The following KCNAB1 variants were observed in gnomAD, a reference collection of about 807,000 sequenced individuals.
KCNAB1 encodes potassium voltage-gated channel subfamily A regulatory beta subunit 1, also known as voltage-gated potassium channel subunit beta-1.
Under a neutral mutation model 64.6 loss-of-function variants are expected in KCNAB1, and 35 were observed. The observed-to-expected ratio is 0.54, with a 90% CI of 0.41 to 0.72. The LOEUF (loss-of-function observed/expected upper bound fraction) is 0.72. Among genes scored for constraint, KCNAB1 ranks in the 30% least tolerant of loss-of-function variants. The probability of loss-of-function intolerance (pLI) is 0.00; values close to 1 mark genes in which losing one functional copy is unlikely to be tolerated. For synonymous variants in KCNAB1, 177 were observed against 183.8 expected, an observed-to-expected ratio of 0.96 and a Z score of 0.30; for missense variants, 401 against 512.9, an observed-to-expected ratio of 0.78 and a Z score of 2.11.
intron 1 of KCNAB1, among the ~76,000 whole-genome samples, chr3:156,390,787 G>A (rs1037661670): frequency 2.0e-5 from 3 of 151,986 alleles, no homozygotes; most frequent in African/African-American, 4.8e-5. Flanking sequence ...GAGTTTCACC[G>A]TGTTAGCCAG....
chr3:156,267,759 A>T (rs1352433230), intron 1 of KCNAB1, among the ~76,000 whole-genome samples: 1 of 152,106 alleles, frequency 6.6e-6, no homozygotes, highest in Non-Finnish European at 1.5e-5. Flanking sequence ...TTTTTTTAAA[A>T]AAATTTTATG....
At position 156,316,603 on chromosome 3, in the gene KCNAB1, A is replaced by G. The variant is rs188514285; in HGVS notation, c.276-105013A>G. ...GTGTAGGCAGAGTTAAGGGCAGTCA[A>G]CAAAGGACAGTAAAGCATCCTGTGG... On this transcript the variant is annotated intron_variant, in intron 1 of 13. Transcript: ENST00000490337. Among the ~76,000 whole-genome samples the G allele has an allele frequency of 2.9e-3, 445 of 152,348 alleles. 2 individuals carry two copies. Among genetic ancestry groups the G allele is most frequent in the Non-Finnish European group, 2.7e-3 (184 of 68,034 alleles).
At chr3:156,129,252 G>C (rs1340398429) in intron 1 of KCNAB1, among the ~76,000 whole-genome samples, 2 of 151,860 alleles carry the variant, frequency 1.3e-5, no homozygotes, top group Non-Finnish European at 2.9e-5. Flanking sequence ...ATCTTTTTGA[G>C]CCTTCGTTAT....
At chr3:156,118,789 A>C (rs1449633350), upstream of KCNAB1, among the ~76,000 whole-genome samples, 1 of 152,190 alleles carries the variant, frequency 6.6e-6, no homozygotes, top group Non-Finnish European at 1.5e-5. Flanking sequence ...AGAGCCCCCC[A>C]TTGAAACATC....
intron 1 of KCNAB1, among the ~76,000 whole-genome samples, chr3:156,164,706 C>T (rs927238351): frequency 1.3e-5 from 2 of 152,156 alleles, no homozygotes; most frequent in Non-Finnish European, 2.9e-5. Context: ...GTCCGGGCCT[C>T]GGTACCAGTG....
intron 1 of KCNAB1, among the ~76,000 whole-genome samples, chr3:156,309,295 G>A (rs373294603): frequency 2.6e-5 from 4 of 152,180 alleles, no homozygotes; most frequent in African/African-American, 9.7e-5. Flanking sequence ...CTAATATTGT[G>A]TATCATGTAG....
intron 1 of KCNAB1, among the ~76,000 whole-genome samples, chr3:156,202,789 GA>G (rs61606428): frequency 0.019 from 2,807 of 151,600 alleles, 205 homozygotes; most frequent in Admixed American, 0.14. Flanking sequence ...GTTGAATTCT[GA>G]AAAAAAATTC....
chr3:156,461,783 G>A (rs1306075971), intron 5 of KCNAB1, among the ~76,000 whole-genome samples: 1 of 152,154 alleles, frequency 6.6e-6, no homozygotes, highest in Non-Finnish European at 1.5e-5. Context: ...AGATCACCAT[G>A]CATTTTCCAC....
At chr3:156,239,947 C>T (rs1209195318) in intron 1 of KCNAB1, among the ~76,000 whole-genome samples, 1 of 151,910 alleles carries the variant, frequency 6.6e-6, no homozygotes, top group Non-Finnish European at 1.5e-5. Flanking sequence ...GCTAGAGATA[C>T]TTTTAAACTT....
rs34671816 is a variant in KCNAB1 at position 156,338,303 on chromosome 3, C to CTT, written c.276-83287_276-83286dup. 2.9e-3 allele frequency among the ~76,000 whole-genome samples: 113 copies of CTT among 39,486 alleles called. 18 individuals are homozygous for CTT. The highest frequency in any genetic ancestry group is 7.4e-3 in the African/African-American group (84 of 11,392). The allele number at this position is 39,486 out of a possible 152,430, so 25.9% of individuals were successfully genotyped here. A position where few individuals can be genotyped will look rare whatever the true frequency, so the allele number is the denominator to read the frequency against. ...TCTTATACTTTCTTTGGCATTTGCA[C>CTT]TTTTTTTTTTTTTTTTTTTTTTTTT... On this transcript the variant is annotated intron_variant, in intron 1 of 13. Transcript: ENST00000490337.
chr3:156,154,368 C>T lies in KCNAB1; in HGVS notation c.275+33482C>T, dbSNP rs545744329. ...CACTGGCAAGTCCTCTTTAAGTTTA[C>T]TCTTTTCCTCATTTCGCCTTTCCAT... is the stretch of plus-strand genomic sequence containing the variant. On this transcript the variant is annotated intron_variant, in intron 1 of 13. Transcript: ENST00000490337. 1.6e-4 allele frequency among the ~76,000 whole-genome samples: 25 copies of T among 152,266 alleles called. No individual in the cohort carries two copies. The South Asian group carries it at 3.1e-3, about 19-fold the overall frequency.
At chr3:156,437,802 T>TA (rs1394991516) in intron 2 of KCNAB1, among the ~76,000 whole-genome samples, 6 of 152,174 alleles carry the variant, frequency 3.9e-5, no homozygotes, top group African/African-American at 1.4e-4. Flanking sequence ...TGCAAGGTAT[T>TA]ACAATCTCCA....
chr3:156,464,487 ATAATAAT>A (rs1559897990), intron 6 of KCNAB1, among the ~76,000 whole-genome samples: 1 of 149,946 alleles, frequency 6.7e-6, no homozygotes, highest in Non-Finnish European at 1.5e-5. Flanking sequence ...TCGCAAAAAA[ATAATAAT>A]AATAATAATA....
chr3:156,163,401 G>T (rs778219584), intron 1 of KCNAB1, among the ~76,000 whole-genome samples: 12 of 152,258 alleles, frequency 7.9e-5, no homozygotes, highest in Admixed American at 2.6e-4. Context: ...CCCTTACCTT[G>T]AGTCATGCCA....
At chr3:156,467,300 A>G (rs1713487690) in intron 7 of KCNAB1, among the ~76,000 whole-genome samples, 1 of 152,142 alleles carries the variant, frequency 6.6e-6, no homozygotes, top group Non-Finnish European at 1.5e-5. Context: ...AAGTCAAACC[A>G]TTGTAAGTTG....
At chr3:156,338,098 T>C (rs1460370409) in intron 1 of KCNAB1, among the ~76,000 whole-genome samples, 1 of 152,116 alleles carries the variant, frequency 6.6e-6, no homozygotes, top group Non-Finnish European at 1.5e-5. Context: ...GGTCCAACTC[T>C]CTGTGCCTCT....
chr3:156,299,825 T>A (rs1307291257), intron 1 of KCNAB1, among the ~76,000 whole-genome samples: 1 of 152,126 alleles, frequency 6.6e-6, no homozygotes, highest in Non-Finnish European at 1.5e-5. Flanking sequence ...ATTTGCACTG[T>A]GCAGCAACTA....
chr3:156,334,035 G>A (rs545203781), intron 1 of KCNAB1, among the ~76,000 whole-genome samples: 12 of 151,992 alleles, frequency 7.9e-5, no homozygotes, highest in East Asian at 1.9e-4. Context: ...AAATGTATTC[G>A]GTTTTTGGGT....
At chr3:156,429,430 ACT>A (rs1716057647) in intron 2 of KCNAB1, among the ~76,000 whole-genome samples, 1 of 151,848 alleles carries the variant, frequency 6.6e-6, no homozygotes, top group Non-Finnish European at 1.5e-5. Flanking sequence ...CTGCCATTCG[ACT>A]CCTGCCATCT....
Sources: allele counts gnomAD v4.1 joint callset (sites outside exome capture counted in the v4.1 genomes callset), GRCh38; gene constraint gnomAD v4.1.1; transcripts MANE v1.5; gene names NCBI Gene and HGNC (gene_info 2026-07-23, HGNC 2026-07-21).